Variants in CREB3L3 observed in about 807,000 individuals in gnomAD.
CREB3L3 encodes cAMP responsive element binding protein 3 like 3, also known as cyclic AMP-responsive element-binding protein 3-like protein 3.
Under a neutral mutation model 44.6 loss-of-function variants are expected in CREB3L3, and 40 were observed. The ratio of observed to expected loss-of-function variants is 0.90; its 90% CI spans 0.70 to 1.17. The LOEUF is 1.17. Ranked by LOEUF, CREB3L3 falls within the 50% of genes most tolerant of loss-of-function variation. The pLI is 0.00. For missense variants in CREB3L3, 578 were observed against 595.8 expected (o/e 0.97, Z 0.31); for synonymous variants, 273 against 256.3 (o/e 1.06, Z -0.62).
rs1222298802 is a variant in CREB3L3 at position 4,172,364 on chromosome 19, G to A, written c.*395G>A. The A allele has an allele frequency of 2.7e-6, 1 of 368,286 alleles. No individual in the cohort carries two copies. The highest frequency in any genetic ancestry group is 2.5e-5 in the South Asian group (1 of 39,526). 22.8% of individuals were successfully genotyped at this position (368,286 alleles called of 1,614,324 possible). ...TGAAACAGACCCAGACAGACAGACA[G>A]ACAGCCTGAAACAGACCCAGACACA... On this transcript the variant is annotated 3_prime_UTR_variant, in exon 10 of 10. Coordinates refer to ENST00000078445, the MANE Select transcript of CREB3L3 (RefSeq NM_032607.3).
chr19:4,156,042 C>T (rs1038701905), intron 2 of CREB3L3, among the ~76,000 whole-genome samples: 3 of 151,682 alleles, frequency 2.0e-5, no homozygotes, highest in East Asian at 2.0e-4. Context: ...AGCCACCACA[C>T]CCGGCCCTTT....
intron 5 of CREB3L3, among the ~76,000 whole-genome samples, chr19:4,166,991 CA>C (rs1242244153): frequency 2.0e-5 from 3 of 152,132 alleles, no homozygotes; most frequent in Non-Finnish European, 1.5e-5. Flanking sequence ...CTTGGCCTCC[CA>C]AAGTGCTGGG....
Position 4,153,685 on chromosome 19 carries a change from G to C in CREB3L3, c.-63G>C. 6.2e-7 allele frequency: 1 copy of C among 1,602,214 alleles called. No individual in the cohort carries two copies. The highest frequency in any genetic ancestry group is 8.5e-7 in the Non-Finnish European group (1 of 1,170,574). ...CCGGCCCCAGGTAACGCTGGCGGTG[G>C]GTGGGCCTCCAGCTTGGAGCAGAGA... On this transcript the variant is annotated 5_prime_UTR_variant, in exon 1 of 10. Coordinates refer to ENST00000078445, the MANE Select transcript of CREB3L3 (RefSeq NM_032607.3).
intron 4 of CREB3L3, among the ~76,000 whole-genome samples, chr19:4,161,783 G>A (rs72978982): frequency 0.12 from 18,597 of 152,154 alleles, 1,236 homozygotes; most frequent in East Asian, 0.25. Flanking sequence ...GCAACTAGAG[G>A]GATATGCAGT....
chr19:4,165,796 G>A (rs1338666230), intron 5 of CREB3L3, among the ~76,000 whole-genome samples: 2 of 152,052 alleles, frequency 1.3e-5, no homozygotes, highest in African/African-American at 2.4e-5. Context: ...GATCTCCCTT[G>A]AACCCGGGAG....
At chr19:4,164,123 G>A (rs1568281940) in intron 4 of CREB3L3, among the ~76,000 whole-genome samples, 2 of 151,732 alleles carry the variant, frequency 1.3e-5, no homozygotes, top group Non-Finnish European at 2.9e-5. Context: ...ACAGGCACCC[G>A]CCACTACGCC....
intron 3 of CREB3L3, 33 bp from the exon 4 acceptor site, chr19:4,159,631 C>T (rs762837972): frequency 1.0e-6 from 1 of 988,994 alleles, no homozygotes; most frequent in Admixed American, 1.7e-5. Context: ...GTCTGACACT[C>T]TCCCTGTCTC....
rs774651162 is a variant in CREB3L3 at position 4,170,137 on chromosome 19, C to G, written c.822-3C>G. On this transcript the variant is annotated splice_region_variant and splice_polypyrimidine_tract_variant and intron_variant, in intron 6 of 9. Transcript: ENST00000078445. The stretch of plus-strand genomic sequence containing the variant: ...GAATGTCGATGCGTCTTCCTCCTTT[C>G]AGGATGTCAGCTTGCACTGCTCAGA... 6.2e-7 allele frequency: 1 copy of G among 1,614,028 alleles called. No homozygotes were observed. The highest frequency in any genetic ancestry group is 8.5e-7 in the Non-Finnish European group (1 of 1,179,944).
chr19:4,166,172 T>G (rs951164288), intron 5 of CREB3L3, among the ~76,000 whole-genome samples: 2 of 151,404 alleles, frequency 1.3e-5, no homozygotes, highest in Non-Finnish European at 2.9e-5. Flanking sequence ...CACTCCAACT[T>G]CCCCCTCTGG....
At chr19:4,154,858 G>A in intron 1 of CREB3L3, 41 bp from the exon 2 acceptor site, 1 of 1,613,000 alleles carries the variant, frequency 6.2e-7, no homozygotes, top group South Asian at 1.1e-5. Context: ...GGGGAGGACA[G>A]GGGCTGTATG....
chr19:4,155,678 TTC>T (rs2041562565), intron 2 of CREB3L3, among the ~76,000 whole-genome samples: 1 of 150,816 alleles, frequency 6.6e-6, no homozygotes, highest in Admixed American at 6.6e-5. Flanking sequence ...TTTCTTTCTT[TTC>T]TCTCTCTTTT....
At chr19:4,153,839 A>G (rs1568276526) in intron 1 of CREB3L3, 65 bp downstream of exon 1, 2 of 1,573,788 alleles carry the variant, frequency 1.3e-6, no homozygotes, top group Non-Finnish European at 1.7e-6. Context: ...CCAAGCTGCC[A>G]GAGCTGGAAG....
At position 4,159,882 on chromosome 19, in the gene CREB3L3, T is replaced by A. The variant is rs2041636914; in HGVS notation, c.576+100T>A. ...CCGTTTCAGAGACTGGAAAACTGAGTCACAGAAAGGCGTGGAATTTGCCCA... is the reference window on the plus strand; with the variant it reads ...CCGTTTCAGAGACTGGAAAACTGAGACACAGAAAGGCGTGGAATTTGCCCA... On this transcript the variant is annotated intron_variant, in intron 4 of 9. Coordinates refer to ENST00000078445, the MANE Select transcript of CREB3L3 (RefSeq NM_032607.3). The A allele has an allele frequency of 5.4e-6, 4 of 747,392 alleles. No individual in the cohort carries two copies. In the Admixed American group the frequency reaches 7.2e-5, roughly 13 times the overall value. The allele number at this position is 747,392 out of a possible 1,614,324, so 46.3% of individuals were successfully genotyped here.
intron 6 of CREB3L3, among the ~76,000 whole-genome samples, chr19:4,169,842 G>A (rs1002664004): frequency 2.0e-5 from 3 of 152,020 alleles, no homozygotes; most frequent in Non-Finnish European, 2.9e-5. Context: ...CAGGTGATCC[G>A]CCCACCACGG....
intron 2 of CREB3L3, 79 bp from the exon 3 acceptor site, chr19:4,156,916 T>G (rs1442154541): frequency 6.1e-6 from 9 of 1,478,292 alleles, no homozygotes; most frequent in Non-Finnish European, 3.8e-6. Context: ...AGAGGGTCAC[T>G]GGTTTCCCTG....
chr19:4,154,923 G>T lies in CREB3L3; in HGVS notation c.52G>T (p.Asp18Tyr). Reference protein sequence around the residue: ...GKMASAACSMDPIDSFELLDL... With the variant: ...GKMASAACSMYPIDSFELLDL... ...GATGGCTTCTGCTGCCTGCTCCATGGACCCCATCGACAGCTTTGAGCTCCT... is the reference window on the plus strand; with the variant it reads ...GATGGCTTCTGCTGCCTGCTCCATGTACCCCATCGACAGCTTTGAGCTCCT... The change falls in exon 2 of 10, where the codon GAC becomes TAC. Residue 18 changes from aspartate (D) to tyrosine (Y), a missense_variant. Transcript: ENST00000078445. The T allele has an allele frequency of 1.2e-6, 2 of 1,613,884 alleles. No individual in the cohort carries two copies. The highest frequency in any genetic ancestry group is 2.2e-5 in the South Asian group (2 of 91,088).
chr19:4,155,507 C>T (rs1465909157), intron 2 of CREB3L3, among the ~76,000 whole-genome samples: 1 of 151,464 alleles, frequency 6.6e-6, no homozygotes, highest in Non-Finnish European at 1.5e-5. Context: ...TACAGGCGCC[C>T]GCCACTGCAC....
At chr19:4,168,569 C>T in intron 6 of CREB3L3, 112 bp downstream of exon 6, 1 of 788,092 alleles carries the variant, frequency 1.3e-6, no homozygotes, top group Non-Finnish European at 2.1e-6. Context: ...GGAGGTGATT[C>T]TCCTCTCTGG....
chr19:4,172,167 CA>C lies in CREB3L3; in HGVS notation c.*201del. 1.6e-6 allele frequency: 1 copy of C among 624,504 alleles called. No individual in the cohort carries two copies. Among genetic ancestry groups the C allele is most frequent in the Non-Finnish European group, 2.8e-6 (1 of 360,426 alleles). 38.7% of individuals were successfully genotyped at this position (624,504 alleles called of 1,614,324 possible). On this transcript the variant is annotated 3_prime_UTR_variant, in exon 10 of 10. Transcript: ENST00000078445. ...CAGGAACCGACACTCAGACACAAGG[CA>C]AAGAGGGCCACAGGACCCGGGAAAT...
Sources: allele counts gnomAD v4.1 joint callset (sites outside exome capture counted in the v4.1 genomes callset), GRCh38; gene constraint gnomAD v4.1.1; transcripts MANE v1.5; gene names NCBI Gene and HGNC (gene_info 2026-07-23, HGNC 2026-07-21).